Variants in SH3GL2 observed in about 807,000 individuals in gnomAD.
SH3GL2 encodes the protein SH3 domain containing GRB2 like 2, endophilin A1, also known as endophilin-A1.
SH3GL2 carries 24 observed loss-of-function variants against 46.0 expected under a neutral mutation model. That is an observed-to-expected ratio of 0.52 (90% CI 0.38 to 0.73). The LOEUF (loss-of-function observed/expected upper bound fraction) is 0.73, where lower values mean the gene tolerates loss of function less well. SH3GL2 is among the 30% of genes least tolerant of loss of function. The pLI is 0.00. For missense variants in SH3GL2, 413 were observed against 424.2 expected, an observed-to-expected ratio of 0.97 and a Z score of 0.23; for synonymous variants, 196 against 147.1, an observed-to-expected ratio of 1.33 and a Z score of -2.40.
intron 1 of SH3GL2, among the ~76,000 whole-genome samples, chr9:17,656,833 T>C (rs1298159397): frequency 6.7e-6 from 1 of 148,802 alleles, no homozygotes; most frequent in East Asian, 2.0e-4. Context: ...AAATTATACA[T>C]GTGATTACTT....
chr9:17,619,921 C>T (rs983878597), intron 1 of SH3GL2, among the ~76,000 whole-genome samples: 1 of 152,136 alleles, frequency 6.6e-6, no homozygotes, highest in African/African-American at 2.4e-5. Flanking sequence ...TCATTGTCAT[C>T]AGCCTGGAGT....
chr9:17,747,628 A>G (rs1488969299), intron 2 of SH3GL2, among the ~76,000 whole-genome samples: 1 of 152,174 alleles, frequency 6.6e-6, no homozygotes, highest in Non-Finnish European at 1.5e-5. Flanking sequence ...ATGTGTCACA[A>G]AAGTCCATCT....
At chr9:17,717,168 A>T (rs1326862408) in intron 1 of SH3GL2, among the ~76,000 whole-genome samples, 2 of 152,150 alleles carry the variant, frequency 1.3e-5, no homozygotes, top group African/African-American at 4.8e-5. Flanking sequence ...AGACTTGTGG[A>T]GTCTCCTATT....
intron 1 of SH3GL2, among the ~76,000 whole-genome samples, chr9:17,709,576 C>T (rs753442324): frequency 2.0e-5 from 3 of 151,728 alleles, no homozygotes; most frequent in Admixed American, 1.3e-4. Context: ...AAGATGAAAA[C>T]TAGCATGTGA....
chr9:17,699,805 C>G (rs556966038), intron 1 of SH3GL2, among the ~76,000 whole-genome samples: 1 of 152,242 alleles, frequency 6.6e-6, no homozygotes, highest in Admixed American at 6.5e-5. Flanking sequence ...AGCCAGTCAT[C>G]TCATGGTGAA....
intron 1 of SH3GL2, among the ~76,000 whole-genome samples, chr9:17,672,615 T>C (rs1820501762): frequency 6.6e-6 from 1 of 152,096 alleles, no homozygotes; most frequent in Non-Finnish European, 1.5e-5. Flanking sequence ...ATGGTTTCTC[T>C]CCCTCTTTCT....
chr9:17,706,232 T>G (rs1821470466), intron 1 of SH3GL2, among the ~76,000 whole-genome samples: 1 of 152,146 alleles, frequency 6.6e-6, no homozygotes, highest in African/African-American at 2.4e-5. Flanking sequence ...ATGATCCCAG[T>G]GCCTTTTTCC....
intron 1 of SH3GL2, among the ~76,000 whole-genome samples, chr9:17,626,254 T>C (rs1207653066): frequency 1.3e-5 from 2 of 152,176 alleles, no homozygotes; most frequent in African/African-American, 2.4e-5. Context: ...TATGAGCCCA[T>C]GTGAGTGCTT....
chr9:17,756,797 T>G (rs905193261), intron 2 of SH3GL2, among the ~76,000 whole-genome samples: 23 of 152,228 alleles, frequency 1.5e-4, no homozygotes, highest in African/African-American at 5.3e-4. Flanking sequence ...CGTGTGCATG[T>G]GTCTTTATAG....
At chr9:17,623,060 T>TTCCCC in intron 1 of SH3GL2, among the ~76,000 whole-genome samples, 1 of 110,600 alleles carries the variant, frequency 9.0e-6, no homozygotes, top group African/African-American at 3.3e-5. Flanking sequence ...CCCCTTCCCC[T>TTCCCC]TCCCCTTCCC....
chr9:17,591,460 G>A (rs927099896), intron 1 of SH3GL2: 1 of 152,022 alleles, frequency 6.6e-6, no homozygotes, highest in East Asian at 1.9e-4. Context: ...GGGCAAGGGG[G>A]CTATTTAAAA....
chr9:17,661,021 G>T (rs1820198870), intron 1 of SH3GL2, among the ~76,000 whole-genome samples: 1 of 152,046 alleles, frequency 6.6e-6, no homozygotes, highest in African/African-American at 2.4e-5. Context: ...AATTAGCTGG[G>T]CACGATGGCA....
At chr9:17,750,279 G>A (rs1822805841) in intron 2 of SH3GL2, among the ~76,000 whole-genome samples, 2 of 151,540 alleles carry the variant, frequency 1.3e-5, no homozygotes, top group Non-Finnish European at 2.9e-5. Context: ...AGGCATTTGG[G>A]GTAGAGAGAC....
At position 17,677,678 on chromosome 9, in the gene SH3GL2, G is replaced by A. The variant is rs542634459; in HGVS notation, c.46-69388G>A. 5.3e-5 allele frequency among the ~76,000 whole-genome samples: 8 copies of A among 151,722 alleles called. No individual in the cohort carries two copies. The East Asian group carries it at 5.8e-4, about 11-fold the overall frequency. On this transcript the variant is annotated intron_variant, in intron 1 of 8. Coordinates refer to ENST00000380607, the MANE Select transcript of SH3GL2 (RefSeq NM_003026.5). ...AAGTTTTAGGGTACATGTGCACAAC[G>A]TGCAGGTTTGTTACATATGTATACA...
At chr9:17,665,993 A>C (rs1820332467) in intron 1 of SH3GL2, among the ~76,000 whole-genome samples, 1 of 149,036 alleles carries the variant, frequency 6.7e-6, no homozygotes, top group Non-Finnish European at 1.5e-5. Context: ...CATATTTGTA[A>C]CTCCACCGCC....
chr9:17,647,586 T>C (rs1399735802), intron 1 of SH3GL2, among the ~76,000 whole-genome samples: 1 of 152,218 alleles, frequency 6.6e-6, no homozygotes, highest in Non-Finnish European at 1.5e-5. Flanking sequence ...GATAACAAGC[T>C]AGCTTGTTGC....
intron 1 of SH3GL2, among the ~76,000 whole-genome samples, chr9:17,684,453 G>C (rs1820853385): frequency 6.6e-6 from 1 of 152,030 alleles, no homozygotes; most frequent in African/African-American, 2.4e-5. Flanking sequence ...GCCCCTAAGA[G>C]CTTTAGTACA....
chr9:17,665,575 G>T (rs532430736), intron 1 of SH3GL2, among the ~76,000 whole-genome samples: 4 of 152,046 alleles, frequency 2.6e-5, no homozygotes, highest in African/African-American at 9.6e-5. Context: ...AACTATTACT[G>T]TCAACATTTA....
chr9:17,682,730 T>A (rs1037441693), intron 1 of SH3GL2, among the ~76,000 whole-genome samples: 1 of 151,834 alleles, frequency 6.6e-6, no homozygotes, highest in Admixed American at 6.6e-5. Flanking sequence ...ACACAAGATC[T>A]ATTCCTCCTT....
Sources: allele counts gnomAD v4.1 joint callset (sites outside exome capture counted in the v4.1 genomes callset), GRCh38; gene constraint gnomAD v4.1.1; transcripts MANE v1.5; gene names NCBI Gene and HGNC (gene_info 2026-07-23, HGNC 2026-07-21).